Variants in PTPRM observed in about 807,000 individuals in gnomAD.
PTPRM encodes protein tyrosine phosphatase receptor type M.
PTPRM carries 47 observed loss-of-function variants against 186.7 expected under a neutral mutation model. That is an observed-to-expected ratio of 0.25 (90% confidence interval 0.20 to 0.32). The LOEUF is 0.32. PTPRM is among the 10% of genes least tolerant of loss of function. The pLI is 1.00. For missense variants in PTPRM, 1,494 were observed against 1,865.0 expected, an observed-to-expected ratio of 0.80 and a Z score of 3.66; for synonymous variants, 668 against 674.9, an observed-to-expected ratio of 0.99 and a Z score of 0.16.
At position 8,113,546 on chromosome 18, in the gene PTPRM, C is replaced by A. The variant is rs370791479; in HGVS notation, c.1917C>A (p.Ile639=). ...RPRRTKKTTE[I]LKCYPVPIHF... ...GAAGAACTAAAAAGACGACAGAAAT[C>A]TTAAAGTGCTACCCAGTGCCAATTC... is the stretch of plus-strand genomic sequence containing the variant. The change falls in exon 12 of 33, where the codon ATC becomes ATA. Residue 639 remains isoleucine, a synonymous_variant. Transcript: ENST00000580170. The A allele has an allele frequency of 1.9e-6, 3 of 1,613,744 alleles. No individual in the cohort carries two copies. The African/African-American group carries it at 4.0e-5, about 22-fold the overall frequency.
chr18:8,367,380 G>A (rs1003889380), intron 23 of PTPRM, among the ~76,000 whole-genome samples: 4 of 152,252 alleles, frequency 2.6e-5, no homozygotes, highest in African/African-American at 7.2e-5. Context: ...GCGGCCCCGC[G>A]CCTCCTCCCT....
intron 19 of PTPRM, among the ~76,000 whole-genome samples, chr18:8,256,304 G>C (rs1225385565): frequency 6.6e-6 from 1 of 152,172 alleles, no homozygotes; most frequent in African/African-American, 2.4e-5. Context: ...ACTCAGCTCT[G>C]CTTCTTAGCT....
chr18:8,016,341 G>GAA lies in PTPRM; in HGVS notation c.1133-53343_1133-53342dup, dbSNP rs1308575147. On this transcript the variant is annotated intron_variant, in intron 7 of 32. Transcript: ENST00000580170. ...TCGAGACCAGCCTGGCCAACATGGTGAAACCTCGTCTCTACTGAAAATAAA... is the reference window on the plus strand; with the variant it reads ...TCGAGACCAGCCTGGCCAACATGGTGAAAAACCTCGTCTCTACTGAAAATAAA... Among the ~76,000 whole-genome samples the GAA allele has an allele frequency of 2.0e-5, 3 of 152,114 alleles. No individual in the cohort carries two copies. The East Asian group carries it at 5.8e-4, about 29-fold the overall frequency.
chr18:7,631,326 T>C (rs1220439695), intron 1 of PTPRM, among the ~76,000 whole-genome samples: 2 of 152,188 alleles, frequency 1.3e-5, no homozygotes, highest in African/African-American at 4.8e-5. Context: ...ACCCATCCTT[T>C]CTTAAAGAAT....
intron 1 of PTPRM, among the ~76,000 whole-genome samples, chr18:7,590,001 G>A (rs2037081804): frequency 6.6e-6 from 1 of 152,100 alleles, no homozygotes; most frequent in South Asian, 2.1e-4. Flanking sequence ...TTTCCAACTT[G>A]TCTCTAATGG....
chr18:7,984,602 T>TAC (rs1555676946), intron 7 of PTPRM, among the ~76,000 whole-genome samples: 6,303 of 86,818 alleles, frequency 0.073, 361 homozygotes, highest in Admixed American at 0.14. Context: ...TATATATATA[T>TAC]ACACACACAC....
chr18:8,405,708 C>A (rs1344217561), intron 32 of PTPRM, among the ~76,000 whole-genome samples: 1 of 152,184 alleles, frequency 6.6e-6, no homozygotes, highest in Non-Finnish European at 1.5e-5. Flanking sequence ...TGCATGAGGC[C>A]TCATCTAGGT....
intron 5 of PTPRM, among the ~76,000 whole-genome samples, chr18:7,946,336 G>A (rs9961079): frequency 0.23 from 34,682 of 152,096 alleles, 4,964 homozygotes; most frequent in African/African-American, 0.4. Context: ...GATTCATGCC[G>A]CAAGTAAATA....
At chr18:7,641,106 C>G (rs113291471) in intron 1 of PTPRM, among the ~76,000 whole-genome samples, 3 of 152,126 alleles carry the variant, frequency 2.0e-5, no homozygotes, top group African/African-American at 7.2e-5. Context: ...TCTCTTTGTC[C>G]CGGAGCTAAA....
chr18:8,007,344 T>G lies in PTPRM; in HGVS notation c.1132+51930T>G, dbSNP rs545950104. On this transcript the variant is annotated intron_variant, in intron 7 of 32. Transcript: ENST00000580170. The stretch of plus-strand genomic sequence containing the variant: ...TATTATTTTCCTTTTTGCAGGCAGG[T>G]AAGAGAATCATGTGGATCAGATTGT... Among the ~76,000 whole-genome samples, 11 of 152,278 alleles carry G rather than the reference T, an allele frequency of 7.2e-5. 1 individual carries two copies. The Middle Eastern group carries it at 0.014, about 188-fold the overall frequency.
chr18:8,369,774 G>A (rs1470053935), intron 23 of PTPRM, among the ~76,000 whole-genome samples: 1 of 152,008 alleles, frequency 6.6e-6, no homozygotes, highest in Non-Finnish European at 1.5e-5. Flanking sequence ...AGCATAGCAA[G>A]ACCCCATTGC....
rs564120512 is a variant in PTPRM, at chr18:7,584,670, G to A, written c.73+16779G>A. 8.6e-5 allele frequency among the ~76,000 whole-genome samples: 13 copies of A among 152,044 alleles called. 1 individual carries two copies. In the South Asian group the frequency reaches 2.1e-3, roughly 24 times the overall value. ...TCTCTCATGCCTCAGTTCTATAAAC[G>A]GAAACTAAACACAGTGGTGAGAAGT... On this transcript the variant is annotated intron_variant, in intron 1 of 32. Transcript: ENST00000580170.
chr18:8,275,665 C>T (rs1018051900), intron 19 of PTPRM, among the ~76,000 whole-genome samples: 6 of 152,292 alleles, frequency 3.9e-5, no homozygotes, highest in Admixed American at 3.9e-4. Flanking sequence ...CCTCTCAAAA[C>T]CTCTAACTCC....
At chr18:7,741,001 G>A (rs1038591843) in intron 1 of PTPRM, among the ~76,000 whole-genome samples, 6 of 152,118 alleles carry the variant, frequency 3.9e-5, no homozygotes, top group Non-Finnish European at 7.4e-5. Flanking sequence ...CTCACAGTTT[G>A]TAAGGGCTCA....
At position 8,125,595 on chromosome 18, in the gene PTPRM, G is replaced by C. The variant is rs1600702855; in HGVS notation, c.2167+10768G>C. 2.6e-5 allele frequency among the ~76,000 whole-genome samples: 4 copies of C among 151,854 alleles called. No individual in the cohort carries two copies. The South Asian group carries it at 8.3e-4, about 32-fold the overall frequency. ...AATTGATTTCATTTCCCGTTAATGA[G>C]TTGTCATCCACAATTTTTAAAAAAA... On this transcript the variant is annotated intron_variant, in intron 13 of 32. Transcript: ENST00000580170.
chr18:8,247,882 T>C lies in PTPRM; in HGVS notation c.2490T>C (p.Asn830=). The C allele has an allele frequency of 1.2e-6, 2 of 1,606,894 alleles. No individual in the cohort carries two copies. The highest frequency in any genetic ancestry group is 1.7e-6 in the Non-Finnish European group (2 of 1,173,426). The change falls in exon 16 of 33, where the codon AAT becomes AAC. Residue 830 remains asparagine (N), a synonymous_variant. Coordinates refer to ENST00000580170, the MANE Select transcript of PTPRM (RefSeq NM_001105244.2). The part of the protein sequence containing the change: ...SSPSSFTMKT[N]TLSTSVPNSY... ...CATCGTCCTTCACAATGAAAACAAA[T>C]ACACTGAGCACATCGGTGCCTAATT...
chr18:8,023,258 G>C (rs571274456), intron 7 of PTPRM, among the ~76,000 whole-genome samples: 5 of 152,218 alleles, frequency 3.3e-5, no homozygotes, highest in South Asian at 2.1e-4. Context: ...ACTAATGAAA[G>C]AGACTAAAAG....
At chr18:7,693,688 C>A (rs1382741901) in intron 1 of PTPRM, among the ~76,000 whole-genome samples, 1 of 152,106 alleles carries the variant, frequency 6.6e-6, no homozygotes, top group Admixed American at 6.5e-5. Context: ...ATGAAGAACT[C>A]TCCTACAAAG....
Position 8,376,592 on chromosome 18 carries a change from A to G in PTPRM, c.3457A>G (p.Thr1153Ala), listed in dbSNP as rs1007772156. The change falls in exon 26 of 33, where the codon ACA becomes GCA. Residue 1153 changes from threonine to alanine, a missense_variant. This residue lies in a region of PTPRM where 1,107 missense variants were observed against 1,350.2 expected (regional missense o/e 0.82). Coordinates refer to ENST00000580170, the MANE Select transcript of PTPRM (RefSeq NM_001105244.2). Reference protein sequence around the residue: ...LRSRRVNMVQTEEQYVFIHDA... With the variant: ...LRSRRVNMVQAEEQYVFIHDA... ...GTCACGGAGGGTGAACATGGTGCAA[A>G]CAGAGGTACTCCCGCTCATCACCTA... The G allele has an allele frequency of 2.5e-6, 4 of 1,612,328 alleles. No individual in the cohort carries two copies. Among genetic ancestry groups the G allele is most frequent in the Non-Finnish European group, 3.4e-6 (4 of 1,179,522 alleles).
Sources: allele counts gnomAD v4.1 joint callset (sites outside exome capture counted in the v4.1 genomes callset), GRCh38; gene constraint gnomAD v4.1.1; regional missense constraint gnomAD v4.1.1; transcripts MANE v1.5; gene names NCBI Gene and HGNC (gene_info 2026-07-23, HGNC 2026-07-21).